Variants in CSMD1 observed in about 807,000 individuals in gnomAD.
CSMD1 encodes the protein CUB and sushi domain-containing protein 1.
In CSMD1, 213 loss-of-function variants were observed where a neutral mutation model predicts 417.5. The ratio of observed to expected loss-of-function variants is 0.51; its 90% confidence interval spans 0.46 to 0.57. The LOEUF (loss-of-function observed/expected upper bound fraction) is 0.57, where lower values mean the gene tolerates loss of function less well. CSMD1 is among the 20% of genes least tolerant of loss of function. The probability of loss-of-function intolerance (pLI) is 0.00; values close to 1 mark genes in which losing one functional copy is unlikely to be tolerated. For synonymous variants in CSMD1, 2,862 were observed against 1,736.8 expected (o/e 1.65, Z -16.11); for missense variants, 6,923 against 4,529.7 (o/e 1.53, Z -15.17).
chr8:3,547,260 A>C (rs949504955), intron 10 of CSMD1, among the ~76,000 whole-genome samples: 8 of 152,256 alleles, frequency 5.3e-5, no homozygotes, highest in African/African-American at 1.9e-4. Flanking sequence ...TATGAGCACC[A>C]AGAACAAAGA....
At chr8:3,620,206 A>C (rs1194632149) in intron 7 of CSMD1, among the ~76,000 whole-genome samples, 1 of 152,194 alleles carries the variant, frequency 6.6e-6, no homozygotes, top group Non-Finnish European at 1.5e-5. Context: ...ATCCTTCAAA[A>C]ATGAAAGGGA....
At chr8:3,107,860 A>C in intron 44 of CSMD1, 62 bp from the exon 45 acceptor site, 1 of 1,010,966 alleles carries the variant, frequency 9.9e-7, no homozygotes, top group Non-Finnish European at 1.5e-6. Flanking sequence ...AAACACAACT[A>C]TTACAAAACA....
At chr8:3,436,774 G>T (rs1408139300) in intron 12 of CSMD1, among the ~76,000 whole-genome samples, 1 of 152,244 alleles carries the variant, frequency 6.6e-6, no homozygotes, top group African/African-American at 2.4e-5. Context: ...CTTAAAAAAA[G>T]ATATTTTCTT....
At position 4,811,060 on chromosome 8, in the gene CSMD1, A is replaced by C. The variant is rs554174970; in HGVS notation, c.86-173502T>G. Among the ~76,000 whole-genome samples, 3 of 152,344 alleles carry C rather than the reference A, an allele frequency of 2.0e-5. No homozygotes were observed. In the South Asian group the frequency reaches 6.2e-4, roughly 32 times the overall value. On this transcript the variant is annotated intron_variant, in intron 1 of 69. Transcript: ENST00000635120. ...ATCACACTTAAACGATTAATCAGTA[A>C]AGTAATTCGACCCTGTTAGAGAAAG...
intron 5 of CSMD1, among the ~76,000 whole-genome samples, chr8:3,934,572 T>G (rs760314931): frequency 6.6e-6 from 1 of 152,164 alleles, no homozygotes; most frequent in Non-Finnish European, 1.5e-5. Flanking sequence ...TTGGTATATT[T>G]GGCCAGGCGC....
intron 3 of CSMD1, among the ~76,000 whole-genome samples, chr8:4,037,798 T>G (rs553144913): frequency 6.6e-6 from 1 of 152,222 alleles, no homozygotes; most frequent in East Asian, 1.9e-4. Context: ...CCATTCCAGG[T>G]TGGAATTGAA....
At chr8:3,103,063 A>C (rs1251999543) in intron 46 of CSMD1, among the ~76,000 whole-genome samples, 1 of 152,196 alleles carries the variant, frequency 6.6e-6, no homozygotes, top group Non-Finnish European at 1.5e-5. Context: ...CAGTAAACTT[A>C]CTGAGGCTCC....
At chr8:3,646,116 C>A (rs1364828019) in intron 7 of CSMD1, among the ~76,000 whole-genome samples, 2 of 149,616 alleles carry the variant, frequency 1.3e-5, no homozygotes, top group African/African-American at 2.4e-5. Flanking sequence ...GCCGAGAAAA[C>A]CTTTTGAAGA....
chr8:4,271,074 G>C (rs891460547), intron 3 of CSMD1, among the ~76,000 whole-genome samples: 20 of 152,158 alleles, frequency 1.3e-4, no homozygotes, highest in African/African-American at 4.3e-4. Context: ...AGAAAGTTCA[G>C]AATGTTGAAG....
chr8:4,053,114 T>C (rs952805821), intron 3 of CSMD1, among the ~76,000 whole-genome samples: 1 of 152,164 alleles, frequency 6.6e-6, no homozygotes, highest in Admixed American at 6.5e-5. Context: ...CGAGGACCCC[T>C]TGCCCAGGAA....
intron 26 of CSMD1, among the ~76,000 whole-genome samples, chr8:3,244,852 G>A (rs1302070008): frequency 6.6e-6 from 1 of 152,210 alleles, no homozygotes; most frequent in African/African-American, 2.4e-5. Flanking sequence ...CTGCTTGGCA[G>A]CAAGCAGCCT....
rs1563390150 is a variant in CSMD1 at position 3,439,154 on chromosome 8, C to CAAAAAAAAAAAAAAAAAAAAAA, written c.1562-29550_1562-29549insTTTTTTTTTTTTTTTTTTTTTT. Among the ~76,000 whole-genome samples the CAAAAAAAAAAAAAAAAAAAAAA allele has an allele frequency of 2.5e-3, 66 of 26,604 alleles. 12 individuals are homozygous for CAAAAAAAAAAAAAAAAAAAAAA. The highest frequency in any genetic ancestry group is 6.9e-3 in the East Asian group (5 of 724). 17.5% of individuals were successfully genotyped at this position (26,604 alleles called of 152,430 possible). On this transcript the variant is annotated intron_variant, in intron 12 of 69. Transcript: ENST00000635120. ...AAAAAAAAAAAAAAAAAAAAAAAAC[C>CAAAAAAAAAAAAAAAAAAAAAA]AAGAAAAAAAAAAGAAAAAGAAAAA...
intron 1 of CSMD1, among the ~76,000 whole-genome samples, chr8:4,930,369 GCACA>G (rs370447060): frequency 4.6e-5 from 7 of 151,076 alleles, no homozygotes; most frequent in Admixed American, 6.6e-5. Context: ...ATAGGTGCGC[GCACA>G]CACACACACG....
At chr8:4,136,360 C>T (rs1270106060) in intron 3 of CSMD1, among the ~76,000 whole-genome samples, 1 of 152,132 alleles carries the variant, frequency 6.6e-6, no homozygotes, top group African/African-American at 2.4e-5. Context: ...CATCGCTGAG[C>T]ACAAATGAAG....
chr8:4,414,008 C>G (rs545539079), intron 3 of CSMD1, among the ~76,000 whole-genome samples: 1 of 152,296 alleles, frequency 6.6e-6, no homozygotes, highest in East Asian at 1.9e-4. Context: ...GGAGAGCCAG[C>G]TGCTCTTCTT....
intron 2 of CSMD1, among the ~76,000 whole-genome samples, chr8:4,632,381 T>C (rs566999414): frequency 3.5e-5 from 5 of 143,858 alleles, no homozygotes; most frequent in Admixed American, 1.4e-4. Flanking sequence ...GGTGTGGTGG[T>C]GCACCCTGTA....
intron 7 of CSMD1, among the ~76,000 whole-genome samples, chr8:3,659,113 T>C (rs1447278639): frequency 2.6e-5 from 4 of 152,176 alleles, no homozygotes; most frequent in Non-Finnish European, 5.9e-5. Context: ...ACAATTTACA[T>C]AGATAGCACA....
chr8:3,494,408 C>G (rs914450283), intron 10 of CSMD1, among the ~76,000 whole-genome samples: 7 of 151,772 alleles, frequency 4.6e-5, no homozygotes, highest in South Asian at 2.1e-4. Context: ...GTGGCCAATA[C>G]TATGAGGAAG....
At chr8:4,401,955 A>G (rs865928494) in intron 3 of CSMD1, among the ~76,000 whole-genome samples, 97 of 152,086 alleles carry the variant, frequency 6.4e-4, no homozygotes, top group African/African-American at 2.1e-3. Context: ...CGTGCATTTG[A>G]TACACTGGCT....
Sources: gnomAD v4.1 joint callset for allele counts (sites outside exome capture counted in the v4.1 genomes callset) on GRCh38, gnomAD v4.1.1 for gene constraint, MANE v1.5 for transcripts, NCBI Gene and HGNC (gene_info 2026-07-23, HGNC 2026-07-21) for gene names.